Variants in LRRC28 observed in about 807,000 individuals in gnomAD.
LRRC28 encodes the protein leucine rich repeat containing 28.
In LRRC28, 39 loss-of-function variants were observed where a neutral mutation model predicts 45.7. The ratio of observed to expected loss-of-function variants is 0.85; its 90% confidence interval spans 0.66 to 1.12. LRRC28 has a LOEUF of 1.12. Among genes scored for constraint, LRRC28 ranks in the 50% most tolerant of loss-of-function variants. The pLI is 0.00. For synonymous variants in LRRC28, 206 were observed against 178.8 expected (o/e 1.15, Z -1.22); for missense variants, 435 against 438.5 (o/e 0.99, Z 0.07).
At chr15:99,364,986 C>T (rs118097181) in intron 9 of LRRC28, among the ~76,000 whole-genome samples, 1,548 of 152,184 alleles carry the variant, frequency 0.01, 13 homozygotes, top group Middle Eastern at 0.044. Flanking sequence ...TATGCAGTTT[C>T]CTATAGAAGA....
chr15:99,277,031 G>C (rs546311535), intron 3 of LRRC28, among the ~76,000 whole-genome samples: 1 of 152,028 alleles, frequency 6.6e-6, no homozygotes. Context: ...CGCTTCATTT[G>C]TTTTAGTTCT....
chr15:99,270,748 A>G (rs1243200345), intron 2 of LRRC28, among the ~76,000 whole-genome samples: 4 of 152,178 alleles, frequency 2.6e-5, no homozygotes, highest in Admixed American at 1.3e-4. Context: ...ATGAATGGAC[A>G]TGTTGAAGGA....
chr15:99,288,020 A>G (rs1009613354), intron 5 of LRRC28, 69 bp downstream of exon 5: 46 of 1,396,324 alleles, frequency 3.3e-5, no homozygotes, highest in African/African-American at 1.3e-4. Context: ...TTCTCACTCT[A>G]TGTCTAGGCA....
chr15:99,254,772 T>C (rs1019868310), intron 1 of LRRC28, among the ~76,000 whole-genome samples: 1 of 152,232 alleles, frequency 6.6e-6, no homozygotes, highest in Non-Finnish European at 1.5e-5. Context: ...GCTCTGTGCC[T>C]AGTGGATAAA....
intron 9 of LRRC28, among the ~76,000 whole-genome samples, chr15:99,364,071 G>A (rs541802452): frequency 2.6e-5 from 4 of 152,266 alleles, no homozygotes; most frequent in South Asian, 4.1e-4. Flanking sequence ...TTGTAGTCAT[G>A]TTAATAGAAA....
At chr15:99,358,575 T>C (rs1957110913) in intron 7 of LRRC28, among the ~76,000 whole-genome samples, 1 of 152,138 alleles carries the variant, frequency 6.6e-6, no homozygotes. Context: ...TGACACAGAA[T>C]TAAACTGATA....
intron 2 of LRRC28, among the ~76,000 whole-genome samples, chr15:99,265,996 G>A (rs2081323009): frequency 6.6e-6 from 1 of 152,024 alleles, no homozygotes; most frequent in South Asian, 2.1e-4. Flanking sequence ...AAATATGAAT[G>A]GACAAAAAAG....
intron 9 of LRRC28, among the ~76,000 whole-genome samples, chr15:99,370,086 T>G (rs575948264): frequency 1.3e-5 from 2 of 152,310 alleles, no homozygotes; most frequent in South Asian, 4.1e-4. Context: ...ACCTGTGATA[T>G]CCCTTTTACA....
chr15:99,306,582 A>G (rs1955189813), intron 5 of LRRC28, among the ~76,000 whole-genome samples: 1 of 152,214 alleles, frequency 6.6e-6, no homozygotes, highest in Non-Finnish European at 1.5e-5. Flanking sequence ...ATTTTGTTAA[A>G]TTCTTTTATG....
At chr15:99,379,534 A>G (rs1055500508) in intron 9 of LRRC28, among the ~76,000 whole-genome samples, 5 of 151,896 alleles carry the variant, frequency 3.3e-5, no homozygotes, top group African/African-American at 9.7e-5. Flanking sequence ...TTCTGTCTCT[A>G]TCTCCTTCAG....
intron 5 of LRRC28, among the ~76,000 whole-genome samples, chr15:99,323,620 C>G (rs114940467): frequency 1.6e-3 from 243 of 152,212 alleles, no homozygotes; most frequent in African/African-American, 5.6e-3. Context: ...GAGCCCTTTT[C>G]TCTGTGTTAG....
chr15:99,259,735 TA>T (rs1428977593), intron 2 of LRRC28: 1 of 1,417,002 alleles, frequency 7.1e-7, no homozygotes, highest in Non-Finnish European at 1.0e-6. Flanking sequence ...ATGAAGATGA[TA>T]AAACAGTTTT....
At chr15:99,363,385 C>G (rs1597437035) in intron 9 of LRRC28, 120 bp downstream of exon 9, 1 of 985,872 alleles carries the variant, frequency 1.0e-6, no homozygotes, top group African/African-American at 1.6e-5. Flanking sequence ...AACATGCTTC[C>G]TGAGAAACAG....
chr15:99,281,210 A>G (rs143027924), intron 3 of LRRC28, among the ~76,000 whole-genome samples: 3 of 151,526 alleles, frequency 2.0e-5, no homozygotes, highest in Non-Finnish European at 4.4e-5. Context: ...AAATTTTTTC[A>G]TAGACATGGG....
intron 9 of LRRC28, among the ~76,000 whole-genome samples, chr15:99,370,252 G>A (rs1957446296): frequency 6.6e-6 from 1 of 152,074 alleles, no homozygotes; most frequent in Non-Finnish European, 1.5e-5. Flanking sequence ...GAGAAATCTC[G>A]AAATAAATAA....
chr15:99,316,497 T>A (rs1955598716), intron 5 of LRRC28, among the ~76,000 whole-genome samples: 1 of 152,124 alleles, frequency 6.6e-6, no homozygotes, highest in Non-Finnish European at 1.5e-5. Context: ...ATAAGGAAAG[T>A]CATTTTTTTG....
chr15:99,284,667 C>A, intron 3 of LRRC28: 2 of 516,950 alleles, frequency 3.9e-6, no homozygotes, highest in Non-Finnish European at 7.7e-6. Context: ...CTGGAACTGG[C>A]ATAGCCACTT....
intron 2 of LRRC28, chr15:99,256,355 G>T: frequency 2.8e-6 from 1 of 354,140 alleles, no homozygotes; most frequent in Non-Finnish European, 5.1e-6. Context: ...AATACTCACT[G>T]ATGTATGACT....
intron 3 of LRRC28, among the ~76,000 whole-genome samples, chr15:99,279,499 T>G (rs1350214740): frequency 1.3e-5 from 2 of 152,200 alleles, no homozygotes; most frequent in African/African-American, 2.4e-5. Flanking sequence ...AACTGGGTCT[T>G]CCAGGGAACC....
Sources: allele counts gnomAD v4.1 joint callset (sites outside exome capture counted in the v4.1 genomes callset), GRCh38; gene constraint gnomAD v4.1.1; transcripts MANE v1.5; gene names NCBI Gene and HGNC (gene_info 2026-07-23, HGNC 2026-07-21).